The following DNAAF9 variants were observed in gnomAD, a reference collection of about 807,000 sequenced individuals.
DNAAF9 encodes the protein dynein axonemal assembly factor 9, also known as shulin.
DNAAF9 carries 90 observed loss-of-function variants against 167.0 expected under a neutral mutation model. The ratio of observed to expected loss-of-function variants is 0.54; its 90% CI spans 0.45 to 0.64. DNAAF9 has a LOEUF of 0.64. DNAAF9 is among the 30% of genes least tolerant of loss of function. The probability of loss-of-function intolerance (pLI) is 0.00; values close to 1 mark genes in which losing one functional copy is unlikely to be tolerated. For synonymous variants in DNAAF9, 491 were observed against 508.8 expected (o/e 0.96, Z 0.47); for missense variants, 1,315 against 1,442.2 (o/e 0.91, Z 1.43).
chr20:3,313,315 C>A (rs186668421), intron 20 of DNAAF9, among the ~76,000 whole-genome samples: 5 of 152,344 alleles, frequency 3.3e-5, no homozygotes, highest in Admixed American at 1.3e-4. Context: ...AATGCCATTA[C>A]CACTCCAGCA....
rs1365437698 is a variant in DNAAF9, at chr20:3,315,585, T to A, written c.1590+150A>T. The stretch of plus-strand genomic sequence containing the variant: ...TAAATGGTTATTTCTAAAGCTCTGC[T>A]GGGAAGGGGAGGAATGCAAATAGGA... On this transcript the variant is annotated intron_variant, in intron 19 of 36. Coordinates refer to ENST00000252032, the MANE Select transcript of DNAAF9 (RefSeq NM_001009984.3). The surrounding 1 kb of genome is among the most constrained non-coding windows in gnomAD (Gnocchi z 4.1). 4.4e-6 allele frequency: 3 copies of A among 682,196 alleles called. No homozygotes were observed. The African/African-American group carries it at 5.4e-5, about 12-fold the overall frequency. The allele number at this position is 682,196 out of a possible 1,614,324, so 42.3% of individuals were successfully genotyped here.
intron 20 of DNAAF9, among the ~76,000 whole-genome samples, chr20:3,308,815 A>G (rs1362679622): frequency 7.1e-6 from 1 of 141,816 alleles, no homozygotes; most frequent in African/African-American, 2.6e-5. Flanking sequence ...CATCTCTACT[A>G]AAAAAAAAAA....
At chr20:3,317,988 T>G (rs897468167) in intron 17 of DNAAF9, among the ~76,000 whole-genome samples, 1 of 152,172 alleles carries the variant, frequency 6.6e-6, no homozygotes, top group African/African-American at 2.4e-5. Flanking sequence ...GTCTGTGAAG[T>G]GCCTGTTCAT....
chr20:3,329,059 G>T (rs6051749), intron 12 of DNAAF9, among the ~76,000 whole-genome samples: 2 of 151,756 alleles, frequency 1.3e-5, no homozygotes, highest in African/African-American at 4.8e-5. Flanking sequence ...TAGTAGAGAC[G>T]GGGTTTTGCC....
intron 33 of DNAAF9, among the ~76,000 whole-genome samples, chr20:3,257,879 G>C (rs1410656244): frequency 1.3e-5 from 2 of 152,038 alleles, no homozygotes; most frequent in South Asian, 2.1e-4. Flanking sequence ...GTGGGTGTCC[G>C]CCACCACACC....
At chr20:3,322,366 G>T (rs1043124895) in intron 15 of DNAAF9, 104 bp from the exon 16 acceptor site, 1 of 930,932 alleles carries the variant, frequency 1.1e-6, no homozygotes. Flanking sequence ...TCATAGATTC[G>T]GATTGCTCTT....
In DNAAF9 at chr20:3,252,528, C is replaced by T. The variant is rs1444604123; in HGVS notation, c.*44G>A. 1 of 1,079,192 alleles carries T rather than the reference C, an allele frequency of 9.3e-7. No individual in the cohort carries two copies. Among genetic ancestry groups the T allele is most frequent in the African/African-American group, 1.5e-5 (1 of 64,526 alleles). 66.9% of individuals were successfully genotyped at this position (1,079,192 alleles called of 1,614,324 possible). ...GAGGTTAAGACACCCGTTCGTCCAT[C>T]TCCAAGGTGGACATTCTGCAGGACG... is the stretch of plus-strand genomic sequence containing the variant. On this transcript the variant is annotated 3_prime_UTR_variant, in exon 37 of 37. Transcript: ENST00000252032.
chr20:3,338,648 A>AC (rs1555793774), intron 10 of DNAAF9, among the ~76,000 whole-genome samples: 4 of 121,798 alleles, frequency 3.3e-5, no homozygotes, highest in African/African-American at 1.3e-4. Flanking sequence ...TTCTTGGATG[A>AC]TTTTTTTTTT....
At chr20:3,367,162 A>C (rs549964743) in intron 6 of DNAAF9, among the ~76,000 whole-genome samples, 2 of 152,284 alleles carry the variant, frequency 1.3e-5, no homozygotes, top group Admixed American at 1.3e-4. Flanking sequence ...AAACCTCATA[A>C]ATCAACCTCT....
At chr20:3,327,073 A>G (rs2123064920) in intron 12 of DNAAF9, among the ~76,000 whole-genome samples, 1 of 152,202 alleles carries the variant, frequency 6.6e-6, no homozygotes, top group African/African-American at 2.4e-5. Flanking sequence ...CCTCAGCGGG[A>G]GAAGAGAGAT....
chr20:3,307,272 T>TC (rs1280042752), intron 20 of DNAAF9: 1 of 361,848 alleles, frequency 2.8e-6, no homozygotes, highest in Non-Finnish European at 3.8e-6. Context: ...CAAGGCAAGG[T>TC]CTCAGTAAAC....
intron 9 of DNAAF9, among the ~76,000 whole-genome samples, chr20:3,340,977 T>C (rs1012220501): frequency 6.6e-6 from 1 of 152,152 alleles, no homozygotes; most frequent in Non-Finnish European, 1.5e-5. Context: ...AATAGAATTT[T>C]AATAGAAATA....
At chr20:3,342,963 A>C (rs1328281083) in intron 9 of DNAAF9, among the ~76,000 whole-genome samples, 1 of 152,072 alleles carries the variant, frequency 6.6e-6, no homozygotes, top group Non-Finnish European at 1.5e-5. Context: ...CGGACTATGC[A>C]TATGTCACAT....
Position 3,278,912 on chromosome 20 carries a change from C to T in DNAAF9, c.2650G>A (p.Gly884Ser). ...FPKCLDQCSQGLVSNVVFTSH... is the reference protein window; with the variant it reads ...FPKCLDQCSQSLVSNVVFTSH... ...GCTGAAAATAAAGTATATTACTTAC[C>T]TTGTGAACACTGGTCAAGACATTTA... Residue 884 changes from glycine to serine, a missense_variant and splice_region_variant, in exon 29 of 37, where the codon GGC (glycine) becomes AGC (serine). This residue lies in a region of DNAAF9 where 334 missense variants were observed against 429.7 expected (regional missense o/e 0.78). Transcript: ENST00000252032. 6.3e-7 allele frequency: 1 copy of T among 1,596,738 alleles called. No homozygotes were observed. The highest frequency in any genetic ancestry group is 8.6e-7 in the Non-Finnish European group (1 of 1,164,362).
At chr20:3,320,336 TG>T (rs1181257555) in intron 16 of DNAAF9, among the ~76,000 whole-genome samples, 2 of 152,178 alleles carry the variant, frequency 1.3e-5, no homozygotes, top group African/African-American at 4.8e-5. Flanking sequence ...GGGAAGGCTT[TG>T]GGGAGGATAT....
chr20:3,331,644 C>G (rs1219030369), intron 11 of DNAAF9, among the ~76,000 whole-genome samples: 1 of 152,160 alleles, frequency 6.6e-6, no homozygotes, highest in African/African-American at 2.4e-5. Flanking sequence ...CTGAGTCATC[C>G]AAATTCCCAC....
At chr20:3,323,274 CTTTTT>C (rs71195835) in intron 14 of DNAAF9, among the ~76,000 whole-genome samples, 1 of 69,082 alleles carries the variant, frequency 1.4e-5, no homozygotes. Flanking sequence ...GTGAAGTAAT[CTTTTT>C]TTTTTTTTTT....
chr20:3,260,984 C>G (rs1271429159), intron 31 of DNAAF9, among the ~76,000 whole-genome samples: 2 of 152,142 alleles, frequency 1.3e-5, no homozygotes, highest in Admixed American at 6.6e-5. Flanking sequence ...TTGTTGCAGG[C>G]AGCATAACAG....
intron 3 of DNAAF9, among the ~76,000 whole-genome samples, chr20:3,380,834 CAG>C (rs1471402088): frequency 1.6e-4 from 24 of 152,332 alleles, no homozygotes; most frequent in Admixed American, 1.5e-3. Context: ...TCAACACAGG[CAG>C]AGTGTCTCAG....
Sources: gnomAD v4.1 joint callset for allele counts (sites outside exome capture counted in the v4.1 genomes callset) on GRCh38, gnomAD v4.1.1 for gene constraint, gnomAD v4.1.1 regional missense constraint, Gnocchi (gnomAD v3.1) non-coding constraint, MANE v1.5 for transcripts, NCBI Gene and HGNC (gene_info 2026-07-23, HGNC 2026-07-21) for gene names.